The following PTPRS variants were observed in gnomAD, a reference collection of about 807,000 sequenced individuals.
PTPRS encodes receptor-type tyrosine-protein phosphatase S.
In PTPRS, 63 loss-of-function variants were observed where a neutral mutation model predicts 215.3. That is an observed-to-expected ratio of 0.29 (90% CI 0.24 to 0.36). PTPRS has a LOEUF of 0.36. Among genes scored for constraint, PTPRS ranks in the 10% least tolerant of loss-of-function variants. The probability of loss-of-function intolerance (pLI) is 1.00; values close to 1 mark genes in which losing one functional copy is unlikely to be tolerated. For synonymous variants in PTPRS, 1,404 were observed against 1,191.4 expected (o/e 1.18, Z -3.68); for missense variants, 2,258 against 2,825.8 (o/e 0.80, Z 4.56).
rs151091335 is a variant in PTPRS, at chr19:5,260,754, G to A, written c.595+51C>T. ...GGCCCTGTGGAGCCTGAGGGGCTGA[G>A]TGGGCAGCAAGAGCGAGCGTGAGTG... is the stretch of plus-strand genomic sequence containing the variant. On this transcript the variant is annotated intron_variant, in intron 7 of 37. Coordinates refer to ENST00000262963, the MANE Select transcript of PTPRS (RefSeq NM_002850.4). 4.5e-4 allele frequency: 720 copies of A among 1,609,244 alleles called. 8 individuals are homozygous for A. In the East Asian group the frequency reaches 0.015, roughly 35 times the overall value.
chr19:5,235,786 G>C (rs530181905), intron 13 of PTPRS, among the ~76,000 whole-genome samples: 6 of 152,356 alleles, frequency 3.9e-5, no homozygotes, highest in African/African-American at 1.4e-4. Context: ...GTGCCAGGCA[G>C]TATGTTAAGG....
At chr19:5,332,552 C>T (rs1038490246) in intron 1 of PTPRS, among the ~76,000 whole-genome samples, 4 of 152,194 alleles carry the variant, frequency 2.6e-5, no homozygotes, top group East Asian at 1.9e-4. Context: ...CCATACGACC[C>T]GCTGGAGTGG....
chr19:5,229,547 C>T lies in PTPRS; in HGVS notation c.2293G>A (p.Gly765Ser), dbSNP rs2145620123. ...GYQVHYVRME[G>S]AEARGPPRIK... The stretch of plus-strand genomic sequence containing the variant: ...CGCGGCGGCCCGCGGGCCTCGGCGC[C>T]CTCCATGCGCACGTAGTGGACCTGG... Residue 765 changes from glycine (G) to serine (S), a missense_variant, in exon 15 of 38, where the codon GGC becomes AGC. Physicochemically the swap from Gly to Ser is moderately conservative, Grantham distance 56. Around this residue, in one of 6 missense-constraint regions of PTPRS, gnomAD observed 371 missense variants for 446.7 expected, o/e 0.83. Coordinates refer to ENST00000262963, the MANE Select transcript of PTPRS (RefSeq NM_002850.4). The T allele has an allele frequency of 6.8e-7, 1 of 1,464,440 alleles. No homozygotes were observed. Among genetic ancestry groups the T allele is most frequent in the Non-Finnish European group, 9.0e-7 (1 of 1,110,332 alleles). 90.7% of individuals were successfully genotyped at this position (1,464,440 alleles called of 1,614,324 possible).
At chr19:5,274,372 G>C in intron 2 of PTPRS, 28 bp from the exon 3 acceptor site, 2 of 1,591,842 alleles carry the variant, frequency 1.3e-6, no homozygotes, top group East Asian at 2.3e-5. Context: ...AGAAGGGGGG[G>C]CGCTGATGGG....
intron 7 of PTPRS, 111 bp downstream of exon 7, chr19:5,260,694 C>G (rs1462314459): frequency 9.6e-6 from 13 of 1,356,724 alleles, no homozygotes. Context: ...AAGGTGGTGG[C>G]AGGGTGGACA....
At chr19:5,316,900 G>A (rs1009370825) in intron 1 of PTPRS, among the ~76,000 whole-genome samples, 4 of 152,212 alleles carry the variant, frequency 2.6e-5, no homozygotes, top group South Asian at 2.1e-4. Context: ...TGCACTCCCA[G>A]GCACCGGGGA....
chr19:5,249,006 G>A (rs2044758770), intron 9 of PTPRS, among the ~76,000 whole-genome samples: 1 of 152,200 alleles, frequency 6.6e-6, no homozygotes. Context: ...GGAGTTCAGG[G>A]ATGAATTATA....
chr19:5,321,048 G>A (rs748232239), intron 1 of PTPRS, among the ~76,000 whole-genome samples: 1 of 152,154 alleles, frequency 6.6e-6, no homozygotes, highest in African/African-American at 2.4e-5. Context: ...GACCACTTCA[G>A]CCCAGGAGTT....
rs781258505 is a variant in PTPRS at position 5,215,619 on chromosome 19, CG to C, written c.4097-25del. 6 of 942,268 alleles carry C rather than the reference CG, an allele frequency of 6.4e-6. No individual in the cohort carries two copies. In the East Asian group the frequency reaches 3.3e-4, roughly 51 times the overall value. 58.4% of individuals were successfully genotyped at this position (942,268 alleles called of 1,614,324 possible). ...GCCTACAGGGTGGAGCAGACCCCGC[CG>C]GGGTTGGTCACTTGGGGGGCCAGCC... On this transcript the variant is annotated intron_variant, in intron 26 of 37. Coordinates refer to ENST00000262963, the MANE Select transcript of PTPRS (RefSeq NM_002850.4).
chr19:5,305,838 G>A (rs1333380153), intron 1 of PTPRS, among the ~76,000 whole-genome samples: 4 of 142,376 alleles, frequency 2.8e-5, no homozygotes, highest in African/African-American at 1.0e-4. Flanking sequence ...TACTTGGGAG[G>A]CTGAGGCAGG....
At chr19:5,333,876 T>C (rs1002753390) in intron 1 of PTPRS, among the ~76,000 whole-genome samples, 4 of 152,232 alleles carry the variant, frequency 2.6e-5, no homozygotes, top group Admixed American at 2.6e-4. Flanking sequence ...TTCGAATGAA[T>C]GCATGCATGC....
At chr19:5,246,316 T>A (rs2044480840) in intron 9 of PTPRS, among the ~76,000 whole-genome samples, 1 of 151,912 alleles carries the variant, frequency 6.6e-6, no homozygotes, top group South Asian at 2.1e-4. Flanking sequence ...AAACCAAAAC[T>A]TCAAAGGAAG....
intron 4 of PTPRS, among the ~76,000 whole-genome samples, chr19:5,266,450 T>A (rs1265393814): frequency 5.3e-5 from 8 of 151,874 alleles, no homozygotes; most frequent in African/African-American, 1.7e-4. Flanking sequence ...CGTTTTTATT[T>A]TTTATTTATT....
chr19:5,219,783 G>C (rs914643136), intron 22 of PTPRS, among the ~76,000 whole-genome samples, 156 bp downstream of exon 22: 1 of 152,052 alleles, frequency 6.6e-6, no homozygotes, highest in Non-Finnish European at 1.5e-5. Context: ...AGAAACCTTC[G>C]TTTCAGGATC....
At chr19:5,304,504 C>T (rs747969565) in intron 1 of PTPRS, among the ~76,000 whole-genome samples, 1 of 151,870 alleles carries the variant, frequency 6.6e-6, no homozygotes, top group African/African-American at 2.4e-5. Flanking sequence ...CAAAAATTAG[C>T]CAGGCATGGT....
chr19:5,331,293 G>A (rs941659411), intron 1 of PTPRS, among the ~76,000 whole-genome samples: 7 of 146,960 alleles, frequency 4.8e-5, no homozygotes, highest in African/African-American at 1.8e-4. Flanking sequence ...CCAACCCTCG[G>A]CTGATTTTTT....
intron 1 of PTPRS, among the ~76,000 whole-genome samples, chr19:5,289,608 C>T (rs562401109): frequency 1.3e-5 from 2 of 152,300 alleles, no homozygotes; most frequent in African/African-American, 4.8e-5. Flanking sequence ...CCTCCCTCTG[C>T]TCCAGCCGCA....
At chr19:5,228,830 GC>G (rs777937705) in intron 16 of PTPRS, among the ~76,000 whole-genome samples, 10 of 152,202 alleles carry the variant, frequency 6.6e-5, no homozygotes, top group African/African-American at 2.4e-4. Context: ...CCCCACTCTG[GC>G]CCCGCTGACA....
chr19:5,327,138 C>G (rs75779477), intron 1 of PTPRS, among the ~76,000 whole-genome samples: 1 of 152,106 alleles, frequency 6.6e-6, no homozygotes, highest in East Asian at 1.9e-4. Context: ...CAGGGCTTGC[C>G]GTAGGTGCCC....
Sources: gnomAD v4.1 joint callset for allele counts (sites outside exome capture counted in the v4.1 genomes callset) on GRCh38, gnomAD v4.1.1 for gene constraint, gnomAD v4.1.1 regional missense constraint, MANE v1.5 for transcripts, NCBI Gene and HGNC (gene_info 2026-07-23, HGNC 2026-07-21) for gene names.